The following RRAS variants were observed in gnomAD, a reference collection of about 807,000 sequenced individuals.
RRAS encodes ras-related protein R-Ras.
In RRAS, 18 loss-of-function variants were observed where a neutral mutation model predicts 23.3. The observed-to-expected ratio is 0.77, with a 90% CI of 0.53 to 1.15. The LOEUF (loss-of-function observed/expected upper bound fraction) is 1.15. Among genes scored for constraint, RRAS ranks in the 50% most tolerant of loss-of-function variants. The pLI is 0.00. For missense variants in RRAS, 291 were observed against 317.1 expected, an observed-to-expected ratio of 0.92 and a Z score of 0.62; for synonymous variants, 133 against 138.3, an observed-to-expected ratio of 0.96 and a Z score of 0.27.
intron 1 of RRAS, among the ~76,000 whole-genome samples, chr19:49,638,053 C>T (rs2081005020): frequency 6.6e-6 from 1 of 152,118 alleles, no homozygotes; most frequent in South Asian, 2.1e-4. Context: ...TATATCTCTC[C>T]CTCCTCTTCT....
At chr19:49,639,762 C>G (rs1422985770) in intron 1 of RRAS, among the ~76,000 whole-genome samples, 184 bp downstream of exon 1, 1 of 151,948 alleles carries the variant, frequency 6.6e-6, no homozygotes, top group Non-Finnish European at 1.5e-5. Context: ...AAGGAAGGGT[C>G]CCCCGTGCAG....
rs778520349 is a variant in RRAS at position 49,635,529 on chromosome 19, G to C, written c.*47C>G. ...TCAGGTCACACAGCAAGGTGCGAAG[G>C]CAGCTAGTCCCGAGAGCTTGTGGTG... On this transcript the variant is annotated 3_prime_UTR_variant, in exon 6 of 6. Transcript: ENST00000246792. 3.2e-5 allele frequency: 40 copies of C among 1,239,910 alleles called. No individual in the cohort carries two copies. Among genetic ancestry groups the C allele is most frequent in the Non-Finnish European group, 4.2e-5 (39 of 927,404 alleles). 76.8% of individuals were successfully genotyped at this position (1,239,910 alleles called of 1,614,324 possible).
intron 1 of RRAS, among the ~76,000 whole-genome samples, chr19:49,638,206 C>G (rs1004296821): frequency 2.6e-5 from 4 of 152,170 alleles, no homozygotes; most frequent in African/African-American, 9.7e-5. Context: ...CGGGCCCCAG[C>G]CCCTCCCTTC....
In RRAS at chr19:49,639,929, G is replaced by A. The variant is rs376005750; in HGVS notation, c.153+17C>T. The A allele has an allele frequency of 3.2e-6, 5 of 1,575,008 alleles. No homozygotes were observed. The highest frequency in any genetic ancestry group is 4.3e-6 in the Non-Finnish European group (5 of 1,167,074). On this transcript the variant is annotated intron_variant, in intron 1 of 5. Coordinates refer to ENST00000246792, the MANE Select transcript of RRAS (RefSeq NM_006270.5). ...TCTGGGTCCCGGGGGACACCCTCCC[G>A]GGTGAGGGCCCACTACCTGGATGAA...
At position 49,636,469 on chromosome 19, in the gene RRAS, C is replaced by A; in HGVS notation, c.453+150G>T. 3.0e-6 allele frequency: 2 copies of A among 669,566 alleles called. No homozygotes were observed. Among genetic ancestry groups the A allele is most frequent in the South Asian group, 3.3e-5 (2 of 60,150 alleles). The allele number at this position is 669,566 out of a possible 1,614,324, so 41.5% of individuals were successfully genotyped here. On this transcript the variant is annotated intron_variant, in intron 4 of 5. Coordinates refer to ENST00000246792, the MANE Select transcript of RRAS (RefSeq NM_006270.5). This position sits in a 1 kb window ranked among gnomAD's most constrained non-coding sequence, Gnocchi z 4.5. ...CGGTGATGCCGGGGACCCTGAAGGTCCAGTTTGGGGGTAACCCATCTAGGT... is the reference window on the plus strand; with the variant it reads ...CGGTGATGCCGGGGACCCTGAAGGTACAGTTTGGGGGTAACCCATCTAGGT...
intron 1 of RRAS, 40 bp from the exon 2 acceptor site, chr19:49,637,170 GCAGA>G: frequency 6.7e-7 from 1 of 1,497,332 alleles, no homozygotes; most frequent in Non-Finnish European, 9.2e-7. Flanking sequence ...CAGTGCCCCG[GCAGA>G]CAGGACGAAG....
Position 49,636,646 on chromosome 19 carries a change from G to T in RRAS, c.426C>A (p.Asn142Lys). Residue 142 changes from asparagine to lysine, a missense_variant, in exon 4 of 6, where the codon AAC (asparagine) becomes AAA (lysine). By Grantham distance (94) the Asn-to-Lys change is moderately conservative. Coordinates refer to ENST00000246792, the MANE Select transcript of RRAS (RefSeq NM_006270.5). This position sits in a 1 kb window ranked among gnomAD's most constrained non-coding sequence, Gnocchi z 4.5. ...RDDFPVVLVG[N>K]KADLESQRQV... The stretch of plus-strand genomic sequence containing the variant: ...GGCGCTGTGACTCCAGATCTGCCTT[G>T]TTCCCGACCAACACAACGGGGAAGT... 1 of 1,614,064 alleles carries T rather than the reference G, an allele frequency of 6.2e-7. No individual in the cohort carries two copies. The highest frequency in any genetic ancestry group is 8.5e-7 in the Non-Finnish European group (1 of 1,179,920).
At chr19:49,639,811 G>T in intron 1 of RRAS, 135 bp downstream of exon 1, 1 of 697,116 alleles carries the variant, frequency 1.4e-6, no homozygotes, top group Non-Finnish European at 2.2e-6. Context: ...TACAATCTGT[G>T]GGGATCTTTT....
At position 49,636,990 on chromosome 19, in the gene RRAS, C is replaced by T; in HGVS notation, c.241+53G>A. ...CTCCCCGCAGTCACCCCCAAGAGCCCTCAGCCCCCACTGACACCACCCCCA... is the reference window on the plus strand; with the variant it reads ...CTCCCCGCAGTCACCCCCAAGAGCCTTCAGCCCCCACTGACACCACCCCCA... On this transcript the variant is annotated intron_variant, in intron 2 of 5. Coordinates refer to ENST00000246792, the MANE Select transcript of RRAS (RefSeq NM_006270.5). The surrounding 1 kb of genome is among the most constrained non-coding windows in gnomAD (Gnocchi z 4.5). 1.2e-6 allele frequency: 2 copies of T among 1,607,176 alleles called. No individual in the cohort carries two copies. Among genetic ancestry groups the T allele is most frequent in the Non-Finnish European group, 1.7e-6 (2 of 1,174,642 alleles).
rs2080994684 is a variant in RRAS at position 49,635,979 on chromosome 19, C to G, written c.454-127G>C. Reference sequence around the variant, plus strand: ...ACTGTGAGAACTCAAAGAGGAAGAGCTCCTGAGAGATTATGGAGGGAGATG... The same window carrying G: ...ACTGTGAGAACTCAAAGAGGAAGAGGTCCTGAGAGATTATGGAGGGAGATG... On this transcript the variant is annotated intron_variant, in intron 4 of 5. Transcript: ENST00000246792. 18 of 532,616 alleles carry G rather than the reference C, an allele frequency of 3.4e-5. No homozygotes were observed. In the South Asian group the frequency reaches 4.9e-4, roughly 14 times the overall value. The allele number at this position is 532,616 out of a possible 1,614,324, so 33.0% of individuals were successfully genotyped here.
chr19:49,638,472 C>T (rs1008592431), intron 1 of RRAS, among the ~76,000 whole-genome samples: 5 of 151,998 alleles, frequency 3.3e-5, no homozygotes, highest in African/African-American at 4.8e-5. Context: ...GAGGAGGTTT[C>T]CTGGGCTGGG....
chr19:49,636,734 G>A lies in RRAS; in HGVS notation c.345-7C>T, dbSNP rs1459026963. On this transcript the variant is annotated splice_region_variant and splice_polypyrimidine_tract_variant and intron_variant, in intron 3 of 5. Coordinates refer to ENST00000246792, the MANE Select transcript of RRAS (RefSeq NM_006270.5). This position sits in a 1 kb window ranked among gnomAD's most constrained non-coding sequence, Gnocchi z 4.5. ...CTTGCCCACCTCGTTGAAACTGCGA[G>A]TGAAGCCGGAGGCATGAGGTCCAGC... is the stretch of plus-strand genomic sequence containing the variant. 1 of 1,613,580 alleles carries A rather than the reference G, an allele frequency of 6.2e-7. No homozygotes were observed. Among genetic ancestry groups the A allele is most frequent in the Admixed American group, 1.7e-5 (1 of 60,028 alleles).
At chr19:49,639,165 C>G (rs1334565037) in intron 1 of RRAS, among the ~76,000 whole-genome samples, 1 of 152,068 alleles carries the variant, frequency 6.6e-6, no homozygotes, top group African/African-American at 2.4e-5. Flanking sequence ...CACGGTGGCT[C>G]ATGCCTGTAA....
Position 49,636,242 on chromosome 19 carries a change from G to A in RRAS, c.453+377C>T, listed in dbSNP as rs1265072294. On this transcript the variant is annotated intron_variant, in intron 4 of 5. Coordinates refer to ENST00000246792, the MANE Select transcript of RRAS (RefSeq NM_006270.5). This position sits in a 1 kb window ranked among gnomAD's most constrained non-coding sequence, Gnocchi z 4.5. Reference sequence around the variant, plus strand: ...AGGGAAAGGAGGGGCGCAACTGTGCGGGGCATCTGGCACCTGGGGAGGAAC... The same window carrying A: ...AGGGAAAGGAGGGGCGCAACTGTGCAGGGCATCTGGCACCTGGGGAGGAAC... Among the ~76,000 whole-genome samples, 4 of 152,204 alleles carry A rather than the reference G, an allele frequency of 2.6e-5. No individual in the cohort carries two copies. Among genetic ancestry groups the A allele is most frequent in the East Asian group, 1.9e-4 (1 of 5,168 alleles).
chr19:49,636,654 C>G lies in RRAS; in HGVS notation c.418G>C (p.Val140Leu). 6.2e-7 allele frequency: 1 copy of G among 1,614,128 alleles called. No homozygotes were observed. The highest frequency in any genetic ancestry group is 8.5e-7 in the Non-Finnish European group (1 of 1,179,976). ...GACTCCAGATCTGCCTTGTTCCCGA[C>G]CAACACAACGGGGAAGTCGTCGCGG... Reference protein sequence around the residue: ...KDRDDFPVVLVGNKADLESQR... With the variant: ...KDRDDFPVVLLGNKADLESQR... The change falls in exon 4 of 6, where the codon GTC (valine) becomes CTC (leucine). Residue 140 changes from valine to leucine, a missense_variant. Transcript: ENST00000246792. This position sits in a 1 kb window ranked among gnomAD's most constrained non-coding sequence, Gnocchi z 4.5.
intron 2 of RRAS, 26 bp downstream of exon 2, chr19:49,637,017 C>T (rs775178064): frequency 2.5e-6 from 4 of 1,609,428 alleles, no homozygotes; most frequent in Non-Finnish European, 2.5e-6. Context: ...CCACCCCCAT[C>T]CATCATCCAT....
chr19:49,635,866 G>C lies in RRAS; in HGVS notation c.454-14C>G. The C allele has an allele frequency of 9.0e-7, 1 of 1,112,408 alleles. No individual in the cohort carries two copies. The highest frequency in any genetic ancestry group is 2.0e-5 in the Admixed American group (1 of 50,044). 68.9% of individuals were successfully genotyped at this position (1,112,408 alleles called of 1,614,324 possible). A position where few individuals can be genotyped will look rare whatever the true frequency, so the allele number is the denominator to read the frequency against. The stretch of plus-strand genomic sequence containing the variant: ...TGATCGGGGGACCTGGGGGTAGGGG[G>C]GACACGGGGGAGTCAGGTCCCTGCA... On this transcript the variant is annotated splice_polypyrimidine_tract_variant and intron_variant, in intron 4 of 5. Coordinates refer to ENST00000246792, the MANE Select transcript of RRAS (RefSeq NM_006270.5).
intron 1 of RRAS, among the ~76,000 whole-genome samples, chr19:49,639,434 G>C (rs1286550244): frequency 2.4e-5 from 2 of 83,650 alleles, no homozygotes; most frequent in Non-Finnish European, 4.4e-5. Flanking sequence ...GTGAGACTCT[G>C]TCTCAAAAAA....
chr19:49,636,950 A>G lies in RRAS; in HGVS notation c.242-24T>C, dbSNP rs750473587. ...GACTGCAGAGACAGGGAGAGGGGCC[A>G]TCGTGGGGACCAGGCTCCCCGCAGT... On this transcript the variant is annotated intron_variant, in intron 2 of 5. Coordinates refer to ENST00000246792, the MANE Select transcript of RRAS (RefSeq NM_006270.5). The surrounding 1 kb of genome is among the most constrained non-coding windows in gnomAD (Gnocchi z 4.5). 1 of 1,610,822 alleles carries G rather than the reference A, an allele frequency of 6.2e-7. No individual in the cohort carries two copies. Among genetic ancestry groups the G allele is most frequent in the Non-Finnish European group, 8.5e-7 (1 of 1,177,804 alleles).
Sources: gnomAD v4.1 joint callset for allele counts (sites outside exome capture counted in the v4.1 genomes callset) on GRCh38, gnomAD v4.1.1 for gene constraint, Gnocchi (gnomAD v3.1) non-coding constraint, MANE v1.5 for transcripts, NCBI Gene and HGNC (gene_info 2026-07-23, HGNC 2026-07-21) for gene names.